XKR6: variants seen among roughly 807,000 people sequenced by gnomAD.
XKR6 encodes the protein XK related 6.
XKR6 carries 22 observed loss-of-function variants against 56.7 expected under a neutral mutation model. That is an observed-to-expected ratio of 0.39 (90% CI 0.28 to 0.55). The LOEUF is 0.55. XKR6 is among the 20% of genes least tolerant of loss of function. XKR6 has a pLI of 0.66. For synonymous variants in XKR6, 524 were observed against 387.8 expected, an observed-to-expected ratio of 1.35 and a Z score of -4.13; for missense variants, 852 against 889.0, an observed-to-expected ratio of 0.96 and a Z score of 0.53.
intron 1 of XKR6, among the ~76,000 whole-genome samples, chr8:11,156,535 T>C (rs17725809): frequency 0.044 from 6,683 of 152,264 alleles, 173 homozygotes; most frequent in African/African-American, 0.062. Context: ...CTTAATGTTT[T>C]TGGAGAAAAA....
intron 1 of XKR6, among the ~76,000 whole-genome samples, chr8:11,163,419 C>T (rs749261384): frequency 1.1e-4 from 16 of 152,148 alleles, no homozygotes; most frequent in Non-Finnish European, 2.1e-4. Flanking sequence ...ATTATCATTT[C>T]CCAAGTCCTC....
At chr8:11,189,754 AATAT>A (rs1444954096) in intron 1 of XKR6, among the ~76,000 whole-genome samples, 1 of 152,176 alleles carries the variant, frequency 6.6e-6, no homozygotes, top group Non-Finnish European at 1.5e-5. Flanking sequence ...AGATTTTTTA[AATAT>A]ATAGATTCTT....
At chr8:11,037,744 G>A (rs1425387181) in intron 1 of XKR6, among the ~76,000 whole-genome samples, 2 of 152,024 alleles carry the variant, frequency 1.3e-5, no homozygotes, top group Non-Finnish European at 2.9e-5. Context: ...TGTAATCCCA[G>A]CTACTTGGGA....
At chr8:11,126,374 C>A (rs568604494) in intron 1 of XKR6, among the ~76,000 whole-genome samples, 1 of 152,032 alleles carries the variant, frequency 6.6e-6, no homozygotes, top group East Asian at 1.9e-4. Flanking sequence ...CCTACTTTGG[C>A]GTTTTTTAAG....
At chr8:11,023,167 G>A (rs1181136855) in intron 1 of XKR6, among the ~76,000 whole-genome samples, 2 of 152,250 alleles carry the variant, frequency 1.3e-5, no homozygotes, top group Admixed American at 6.5e-5. Flanking sequence ...GTGGAAAGCT[G>A]GGGAGGGCCC....
intron 1 of XKR6, chr8:11,124,071 T>C (rs994613817): frequency 2.2e-6 from 1 of 451,724 alleles, no homozygotes; most frequent in South Asian, 1.6e-5. Context: ...TCTCTCTCTC[T>C]AGCACGATTT....
At chr8:10,913,068 T>C (rs1042964971) in intron 2 of XKR6, among the ~76,000 whole-genome samples, 2 of 151,120 alleles carry the variant, frequency 1.3e-5, no homozygotes, top group African/African-American at 4.9e-5. Context: ...TATATCTATA[T>C]AGAGAAGGTG....
At chr8:11,129,948 T>C (rs1181919813) in intron 1 of XKR6, among the ~76,000 whole-genome samples, 1 of 152,122 alleles carries the variant, frequency 6.6e-6, no homozygotes, top group East Asian at 1.9e-4. Flanking sequence ...GGTACAAAGC[T>C]CAAGTGTCAA....
chr8:10,924,587 G>A (rs762851086), intron 2 of XKR6, 47 bp downstream of exon 2: 54 of 1,567,808 alleles, frequency 3.4e-5, no homozygotes, highest in Non-Finnish European at 4.4e-5. Context: ...GTGGTCCCCA[G>A]GTGGAGGGCA....
intron 1 of XKR6, among the ~76,000 whole-genome samples, chr8:10,996,647 G>C (rs1798119715): frequency 6.6e-6 from 1 of 152,172 alleles, no homozygotes; most frequent in Non-Finnish European, 1.5e-5. Flanking sequence ...AGGGGTAAGG[G>C]ATGGGTGTGT....
At chr8:11,167,551 G>C (rs1802142649) in intron 1 of XKR6, among the ~76,000 whole-genome samples, 1 of 152,122 alleles carries the variant, frequency 6.6e-6, no homozygotes, top group African/African-American at 2.4e-5. Flanking sequence ...CCTGAGGTCT[G>C]GGAAGAAAAG....
chr8:11,136,318 C>T (rs1054137437), intron 1 of XKR6, among the ~76,000 whole-genome samples: 3 of 152,176 alleles, frequency 2.0e-5, no homozygotes, highest in Non-Finnish European at 2.9e-5. Flanking sequence ...TCAAGACCAG[C>T]CTGACCAACA....
chr8:11,062,863 A>G, intron 1 of XKR6: 1 of 456,192 alleles, frequency 2.2e-6, no homozygotes, highest in South Asian at 1.5e-5. Flanking sequence ...ATGGGAGGTG[A>G]GTGGAAGTGG....
At chr8:11,037,335 C>T (rs1163598068) in intron 1 of XKR6, among the ~76,000 whole-genome samples, 2 of 152,196 alleles carry the variant, frequency 1.3e-5, no homozygotes, top group African/African-American at 4.8e-5. Flanking sequence ...AAGCCGTCCT[C>T]CTGCCTAGGC....
intron 1 of XKR6, chr8:11,123,882 C>T: frequency 2.2e-6 from 1 of 456,312 alleles, no homozygotes; most frequent in Non-Finnish European, 4.4e-6. Context: ...ACTGTGCTCT[C>T]TCTTCTGGGA....
intron 1 of XKR6, among the ~76,000 whole-genome samples, chr8:11,050,536 G>A (rs538562511): frequency 6.7e-6 from 1 of 148,814 alleles, no homozygotes; most frequent in East Asian, 2.0e-4. Flanking sequence ...AGAAAAGAGA[G>A]GGAAACAGAA....
At chr8:11,114,747 G>GTC (rs1385944659) in intron 1 of XKR6, among the ~76,000 whole-genome samples, 2 of 135,660 alleles carry the variant, frequency 1.5e-5, no homozygotes, top group Non-Finnish European at 3.5e-5. Flanking sequence ...GTGTGTGTGT[G>GTC]TGTGTGTGTG....
chr8:11,133,686 G>C (rs538565761), intron 1 of XKR6, among the ~76,000 whole-genome samples: 18 of 152,148 alleles, frequency 1.2e-4, no homozygotes, highest in African/African-American at 4.3e-4. Context: ...TTGGAAATAG[G>C]CAGGTGGCTG....
intron 1 of XKR6, among the ~76,000 whole-genome samples, chr8:11,054,619 G>A (rs1235610225): frequency 6.6e-6 from 1 of 152,242 alleles, no homozygotes; most frequent in African/African-American, 2.4e-5. Flanking sequence ...GGAGGGACCT[G>A]CAGTCACTTC....
Sources: allele counts gnomAD v4.1 joint callset (sites outside exome capture counted in the v4.1 genomes callset), GRCh38; gene constraint gnomAD v4.1.1; transcripts MANE v1.5; gene names NCBI Gene and HGNC (gene_info 2026-07-23, HGNC 2026-07-21).